The following HABP2 variants were observed in gnomAD, a reference collection of about 807,000 sequenced individuals.
HABP2 encodes factor VII-activating protease.
In HABP2, 65 loss-of-function variants were observed where a neutral mutation model predicts 66.5. The ratio of observed to expected loss-of-function variants is 0.98; its 90% confidence interval spans 0.80 to 1.20. The LOEUF is 1.20. Ranked by LOEUF, HABP2 falls within the 50% of genes most tolerant of loss-of-function variation. The pLI is 0.00. For synonymous variants in HABP2, 263 were observed against 253.9 expected (o/e 1.04, Z -0.34); for missense variants, 786 against 691.0 (o/e 1.14, Z -1.54).
At chr10:113,566,196 G>A (rs560171474) in intron 1 of HABP2, among the ~76,000 whole-genome samples, 5 of 152,190 alleles carry the variant, frequency 3.3e-5, no homozygotes, top group Non-Finnish European at 2.9e-5. Flanking sequence ...GGTAGAACTC[G>A]CATTTCTTTA....
rs1402279448 is a variant in HABP2, at chr10:113,577,043, G to T, written c.332-107G>T. 4.1e-6 allele frequency: 3 copies of T among 738,946 alleles called. No individual in the cohort carries two copies. The African/African-American group carries it at 5.2e-5, about 13-fold the overall frequency. The allele number at this position is 738,946 out of a possible 1,614,324, so 45.8% of individuals were successfully genotyped here. On this transcript the variant is annotated intron_variant, in intron 4 of 12. Transcript: ENST00000351270. The stretch of plus-strand genomic sequence containing the variant: ...CCCAGTGTTTCAGGACCACGGACAA[G>T]GCTACAGACACTGTCAGTCACCCCA...
At position 113,581,994 on chromosome 10, in the gene HABP2, G is replaced by A. The variant is rs2245056; in HGVS notation, c.957G>A (p.Lys319=). ...TCAAGAGAATCTATGGAGGCTTTAAGAGCACGGCGGGCAAGCACCCATGGC... is the reference window on the plus strand; with the variant it reads ...TCAAGAGAATCTATGGAGGCTTTAAAAGCACGGCGGGCAAGCACCCATGGC... ...RKIKRIYGGF[K]STAGKHPWQA... is the part of the protein sequence containing the mutation. The change falls in exon 9 of 13, where the codon AAG becomes AAA. Residue 319 remains lysine, a synonymous_variant. Coordinates refer to ENST00000351270, the MANE Select transcript of HABP2 (RefSeq NM_004132.5). The A allele has an allele frequency of 0.41, 665,428 of 1,613,650 alleles. 138,638 individuals are homozygous for A. Among genetic ancestry groups the A allele is most frequent in the Admixed American group, 0.5 (30,213 of 60,002 alleles).
At chr10:113,554,400 G>C (rs1046827596) in intron 1 of HABP2, among the ~76,000 whole-genome samples, 1 of 152,202 alleles carries the variant, frequency 6.6e-6, no homozygotes, top group Non-Finnish European at 1.5e-5. Context: ...TTTCTGATTA[G>C]CATGTTTTTA....
At chr10:113,571,690 C>T (rs145988791) in intron 2 of HABP2, among the ~76,000 whole-genome samples, 2 of 152,156 alleles carry the variant, frequency 1.3e-5, no homozygotes, top group Non-Finnish European at 2.9e-5. Context: ...TTGAGGGCGC[C>T]AGGCCTAGAC....
chr10:113,558,444 C>A (rs528571183), intron 1 of HABP2, among the ~76,000 whole-genome samples: 11 of 152,192 alleles, frequency 7.2e-5, no homozygotes, highest in Non-Finnish European at 1.5e-4. Flanking sequence ...GAGCCTGAAG[C>A]GGCTTTATCC....
chr10:113,580,665 T>G lies in HABP2; in HGVS notation c.811T>G (p.Cys271Gly). 1 of 1,592,688 alleles carries G rather than the reference T, an allele frequency of 6.3e-7. No homozygotes were observed. The highest frequency in any genetic ancestry group is 8.6e-7 in the Non-Finnish European group (1 of 1,160,448). ...CAATGACAAGGTGAAATGGGAATAC[T>G]GTGATGTCTCAGCCTGCTCAGCCCA... Reference protein sequence around the residue: ...VTNDKVKWEYCDVSACSAQDV... With the variant: ...VTNDKVKWEYGDVSACSAQDV... Residue 271 changes from cysteine to glycine, a missense_variant, in exon 8 of 13, where the codon TGT (cysteine) becomes GGT (glycine). Transcript: ENST00000351270.
rs767930135 is a variant in HABP2 at position 113,567,453 on chromosome 10, C to T, written c.70-36C>T. ...AGGAGCACGCCCGGCAGAGCTCCAT[C>T]TCAACGCTGATCTGCTGTGTTGTTT... is the stretch of plus-strand genomic sequence containing the variant. On this transcript the variant is annotated intron_variant, in intron 1 of 12. Coordinates refer to ENST00000351270, the MANE Select transcript of HABP2 (RefSeq NM_004132.5). 10 of 1,578,616 alleles carry T rather than the reference C, an allele frequency of 6.3e-6. No individual in the cohort carries two copies. In the Admixed American group the frequency reaches 1.3e-4, roughly 21 times the overall value.
chr10:113,577,378 A>G (rs1451609042), intron 5 of HABP2, 112 bp downstream of exon 5: 3 of 705,242 alleles, frequency 4.3e-6, no homozygotes, highest in Non-Finnish European at 5.2e-6. Context: ...GGCACCCAAG[A>G]TGGTCCTTTT....
At position 113,578,201 on chromosome 10, in the gene HABP2, C is replaced by T. The variant is rs573698414; in HGVS notation, c.568+56C>T. ...AGTGAGGCCTCTGGAACCCTTTCCT[C>T]TCTGGGTTTTGTTGCCAGAATGTGG... On this transcript the variant is annotated intron_variant, in intron 6 of 12. Transcript: ENST00000351270. The T allele has an allele frequency of 2.0e-5, 31 of 1,582,952 alleles. No individual in the cohort carries two copies. The South Asian group carries it at 2.9e-4, about 15-fold the overall frequency.
intron 12 of HABP2, 119 bp downstream of exon 12, chr10:113,586,057 A>T: frequency 2.3e-6 from 2 of 861,220 alleles, no homozygotes; most frequent in Non-Finnish European, 3.7e-6. Flanking sequence ...TGGTAAAGCT[A>T]AGACACAGGT....
Position 113,588,429 on chromosome 10 carries a change from C to T in HABP2, c.*60C>T. The T allele has an allele frequency of 1.5e-6, 2 of 1,366,410 alleles. No homozygotes were observed. Among genetic ancestry groups the T allele is most frequent in the Non-Finnish European group, 2.0e-6 (2 of 985,144 alleles). The allele number at this position is 1,366,410 out of a possible 1,614,324, so 84.6% of individuals were successfully genotyped here. The stretch of plus-strand genomic sequence containing the variant: ...TTGGCACCCTGACACCGGGAGGCCT[C>T]ATGGCCAACAATGGACACCTCCAGA... On this transcript the variant is annotated 3_prime_UTR_variant, in exon 13 of 13. Transcript: ENST00000351270.
intron 2 of HABP2, among the ~76,000 whole-genome samples, chr10:113,572,239 T>C (rs931467646): frequency 4.6e-5 from 7 of 152,200 alleles, no homozygotes; most frequent in African/African-American, 1.7e-4. Context: ...CACTGAGAGG[T>C]AAGCAGACCT....
intron 10 of HABP2, 137 bp downstream of exon 10, chr10:113,583,495 A>G: frequency 5.5e-6 from 4 of 724,572 alleles, no homozygotes; most frequent in Non-Finnish European, 9.4e-6. Flanking sequence ...TAGGGAATGT[A>G]TTCCAGGGAT....
chr10:113,579,500 T>C (rs146434098), intron 7 of HABP2, among the ~76,000 whole-genome samples: 35 of 152,346 alleles, frequency 2.3e-4, no homozygotes, highest in African/African-American at 8.2e-4. Flanking sequence ...TAGGCAGAGA[T>C]GGAGAAGAGC....
At chr10:113,574,545 C>CTT in intron 3 of HABP2, 140 bp downstream of exon 3, 2 of 577,842 alleles carry the variant, frequency 3.5e-6, no homozygotes, top group Non-Finnish European at 6.2e-6. Context: ...TTTGGACTGG[C>CTT]TTTTTTTTCT....
chr10:113,557,269 G>A (rs1327739127), intron 1 of HABP2, among the ~76,000 whole-genome samples: 1 of 152,104 alleles, frequency 6.6e-6, no homozygotes, highest in Non-Finnish European at 1.5e-5. Context: ...TAGGGAAAGG[G>A]GAGGGACTGA....
chr10:113,582,913 A>C (rs984042832), intron 9 of HABP2, among the ~76,000 whole-genome samples: 11 of 152,306 alleles, frequency 7.2e-5, no homozygotes, highest in African/African-American at 2.6e-4. Context: ...AAACATTAGC[A>C]CCTGCCAATG....
Position 113,577,221 on chromosome 10 carries a change from C to T in HABP2, c.403C>T (p.Arg135Cys), listed in dbSNP as rs770557273. The T allele has an allele frequency of 8.1e-6, 13 of 1,612,196 alleles. No homozygotes were observed. Among genetic ancestry groups the T allele is most frequent in the East Asian group, 2.2e-5 (1 of 44,892 alleles). The change falls in exon 5 of 13, where the codon CGC becomes TGC. Residue 135 changes from arginine to cysteine, a missense_variant. Coordinates refer to ENST00000351270, the MANE Select transcript of HABP2 (RefSeq NM_004132.5). ...CLITQSPPYYRCVCKHPYTGP... is the reference protein window; with the variant it reads ...CLITQSPPYYCCVCKHPYTGP... The stretch of plus-strand genomic sequence containing the variant: ...CATTACCCAGAGTCCTCCCTACTAC[C>T]GCTGTGTCTGTAAACACCCTTACAC...
chr10:113,570,649 T>C (rs1323940502), intron 2 of HABP2, among the ~76,000 whole-genome samples: 1 of 152,240 alleles, frequency 6.6e-6, no homozygotes, highest in Non-Finnish European at 1.5e-5. Flanking sequence ...CATCAGGTAT[T>C]TTCTTTGCCA....
Sources: gnomAD v4.1 joint callset for allele counts (sites outside exome capture counted in the v4.1 genomes callset) on GRCh38, gnomAD v4.1.1 for gene constraint, MANE v1.5 for transcripts, NCBI Gene and HGNC (gene_info 2026-07-23, HGNC 2026-07-21) for gene names.